The following FRAS1 variants were observed in gnomAD, a reference collection of about 807,000 sequenced individuals.
FRAS1 encodes the protein Fraser extracellular matrix complex subunit 1, also known as extracellular matrix organizing protein FRAS1.
Under a neutral mutation model 435.2 loss-of-function variants are expected in FRAS1, and 290 were observed. The ratio of observed to expected loss-of-function variants is 0.67; its 90% confidence interval spans 0.61 to 0.73. The LOEUF is 0.73. FRAS1 is among the 30% of genes least tolerant of loss of function. The probability of loss-of-function intolerance (pLI) is 0.00; values close to 1 mark genes in which losing one functional copy is unlikely to be tolerated. For missense variants in FRAS1, 4,860 were observed against 5,001.5 expected, an observed-to-expected ratio of 0.97 and a Z score of 0.85; for synonymous variants, 1,800 against 1,851.0, an observed-to-expected ratio of 0.97 and a Z score of 0.71.
Position 78,384,525 on chromosome 4 carries a change from C to A in FRAS1, c.3648+382C>A, listed in dbSNP as rs536079498. 2.6e-5 allele frequency among the ~76,000 whole-genome samples: 4 copies of A among 152,296 alleles called. No homozygotes were observed. In the East Asian group the frequency reaches 7.7e-4, roughly 29 times the overall value. ...GAGTCAATGTTTGTGCCCAGTAAATCTGGCTACAGAGGCGGTGTTCTTAAC... is the reference window on the plus strand; with the variant it reads ...GAGTCAATGTTTGTGCCCAGTAAATATGGCTACAGAGGCGGTGTTCTTAAC... On this transcript the variant is annotated intron_variant, in intron 28 of 73. Coordinates refer to ENST00000512123, the MANE Select transcript of FRAS1 (RefSeq NM_025074.7).
At chr4:78,464,635 G>A in intron 49 of FRAS1, 52 bp downstream of exon 49, 5 of 1,598,776 alleles carry the variant, frequency 3.1e-6, no homozygotes, top group Non-Finnish European at 4.3e-6. Context: ...GGCTGACCTG[G>A]TGGCAGCTAT....
chr4:78,246,747 GA>G (rs11304207), intron 4 of FRAS1, among the ~76,000 whole-genome samples: 82,793 of 150,416 alleles, frequency 0.55, 24,398 homozygotes, highest in Non-Finnish European at 0.68. Context: ...GGATCTGGGG[GA>G]AAAAAAAAAC....
rs1265682926 is a variant in FRAS1 at position 78,091,246 on chromosome 4, C to CT, written c.108+25236dup. 2.0e-5 allele frequency among the ~76,000 whole-genome samples: 3 copies of CT among 152,146 alleles called. 1 individual carries two copies. The highest frequency in any genetic ancestry group is 2.9e-5 in the Non-Finnish European group (2 of 68,004). ...AGCTTTTATATATTTAGGAATCTCT[C>CT]TTTTTTGGTATTTCTTCTGCCACTC... On this transcript the variant is annotated intron_variant, in intron 2 of 73. Transcript: ENST00000512123.
Position 78,475,593 on chromosome 4 carries a change from A to G in FRAS1, c.7838A>G (p.Glu2613Gly), listed in dbSNP as rs1719831401. 6.3e-7 allele frequency: 1 copy of G among 1,589,820 alleles called. No individual in the cohort carries two copies. The highest frequency in any genetic ancestry group is 8.6e-7 in the Non-Finnish European group (1 of 1,164,114). ...SSQPGQQDYVEYAGQVQFDER... is the reference protein window; with the variant it reads ...SSQPGQQDYVGYAGQVQFDER... ...CAACCTGGGCAACAGGACTATGTAGAGTATGCTGGCCAGGTAGGTGGGGTA... is the reference window on the plus strand; with the variant it reads ...CAACCTGGGCAACAGGACTATGTAGGGTATGCTGGCCAGGTAGGTGGGGTA... The change falls in exon 54 of 74, where the codon GAG (glutamate) becomes GGG (glycine). Residue 2613 changes from glutamate (E) to glycine (G), a missense_variant. Glu to Gly is a moderately conservative substitution (Grantham distance 98). Transcript: ENST00000512123.
intron 16 of FRAS1, 102 bp downstream of exon 16, chr4:78,315,836 G>A (rs1284485243): frequency 3.2e-6 from 4 of 1,248,694 alleles, no homozygotes; most frequent in African/African-American, 1.6e-5. Context: ...AGTGTATGAT[G>A]GGAAAGCATA....
rs890351040 is a variant in FRAS1, at chr4:78,430,885, A to G, written c.4969+468A>G. ...ATTTTTGAAGTATTATCTATGTGAT[A>G]TAACAGTGTGGTAATGTGATCGGCT... On this transcript the variant is annotated intron_variant, in intron 37 of 73. Coordinates refer to ENST00000512123, the MANE Select transcript of FRAS1 (RefSeq NM_025074.7). 3.9e-5 allele frequency among the ~76,000 whole-genome samples: 6 copies of G among 152,252 alleles called. No homozygotes were observed. In the East Asian group the frequency reaches 1.2e-3, roughly 29 times the overall value.
chr4:78,387,401 TC>T lies in FRAS1; in HGVS notation c.3676del (p.Leu1226SerfsTer31). On this transcript the variant is annotated frameshift_variant, in exon 29 of 74. Coordinates refer to ENST00000512123, the MANE Select transcript of FRAS1 (RefSeq NM_025074.7). LOFTEE classifies it high-confidence loss of function. ...CCCCCTATGTGCTGAGAAATGAAGT[TC>T]TCCACATTAGCAGAGGAGAGAGGGC... is the stretch of plus-strand genomic sequence containing the variant. Reference protein sequence around the residue: ...QAPYVLRNEVLHISRGERATI... With the variant: ...QAPYVLRNEVXHISRGERATI... 6.2e-7 allele frequency: 1 copy of T among 1,611,752 alleles called. No homozygotes were observed. The highest frequency in any genetic ancestry group is 8.5e-7 in the Non-Finnish European group (1 of 1,178,558).
intron 2 of FRAS1, among the ~76,000 whole-genome samples, chr4:78,149,011 G>A (rs934079786): frequency 4.6e-5 from 7 of 152,094 alleles, no homozygotes; most frequent in African/African-American, 1.7e-4. Flanking sequence ...TCTTTCTTTG[G>A]GGAGAGCTAT....
intron 25 of FRAS1, 62 bp downstream of exon 25, chr4:78,374,313 C>T: frequency 1.4e-6 from 2 of 1,461,588 alleles, no homozygotes; most frequent in Non-Finnish European, 1.9e-6. Flanking sequence ...GTCACATGTG[C>T]TGACTCTCAG....
intron 2 of FRAS1, among the ~76,000 whole-genome samples, chr4:78,088,974 G>A (rs1454474778): frequency 1.3e-5 from 2 of 152,112 alleles, no homozygotes; most frequent in Non-Finnish European, 2.9e-5. Flanking sequence ...AAAGACACAT[G>A]CACACGTATG....
At chr4:78,235,340 C>A (rs1230541603) in intron 2 of FRAS1, among the ~76,000 whole-genome samples, 1 of 152,178 alleles carries the variant, frequency 6.6e-6, no homozygotes, top group African/African-American at 2.4e-5. Context: ...TGAAAATGTC[C>A]ATTGCTAGCA....
chr4:78,221,471 G>A (rs1382208871), intron 2 of FRAS1, among the ~76,000 whole-genome samples: 1 of 152,150 alleles, frequency 6.6e-6, no homozygotes, highest in Non-Finnish European at 1.5e-5. Flanking sequence ...TATTTATGCA[G>A]ATCATCTAAG....
chr4:78,434,304 A>G (rs1245431606), intron 38 of FRAS1, among the ~76,000 whole-genome samples: 1 of 152,204 alleles, frequency 6.6e-6, no homozygotes, highest in Non-Finnish European at 1.5e-5. Flanking sequence ...GGTCTTATAT[A>G]CACAGTTTGC....
At chr4:78,480,539 T>C (rs983379256) in intron 56 of FRAS1, among the ~76,000 whole-genome samples, 5 of 152,252 alleles carry the variant, frequency 3.3e-5, no homozygotes, top group Admixed American at 2.6e-4. Flanking sequence ...GAGAATGTGA[T>C]ATATTGAGGA....
intron 2 of FRAS1, chr4:78,181,903 G>A: frequency 6.2e-7 from 1 of 1,611,018 alleles, no homozygotes. Flanking sequence ...TGGCCCCAGG[G>A]CCCCCAACGC....
intron 70 of FRAS1, among the ~76,000 whole-genome samples, chr4:78,533,722 G>A (rs1721796669): frequency 6.6e-6 from 1 of 152,196 alleles, no homozygotes; most frequent in African/African-American, 2.4e-5. Context: ...TGCAAGGGAA[G>A]AGCATACTGA....
chr4:78,212,245 C>A (rs1026723073), intron 2 of FRAS1, among the ~76,000 whole-genome samples: 2 of 152,180 alleles, frequency 1.3e-5, no homozygotes, highest in African/African-American at 2.4e-5. Flanking sequence ...CAAGTCTCAT[C>A]TAAAATGTTA....
chr4:78,445,693 G>A lies in FRAS1; in HGVS notation c.5837G>A (p.Ser1946Asn), dbSNP rs1006418963. The change falls in exon 42 of 74, where the codon AGC (serine) becomes AAC (asparagine). Residue 1946 changes from serine (S) to asparagine (N), a missense_variant. By Grantham distance (46) the Ser-to-Asn change is conservative. Transcript: ENST00000512123. ...GGAACCAGTCGTTCAGAAATTCACA[G>A]CATCAATATCACCATTGAGGTAAAG... is the stretch of plus-strand genomic sequence containing the variant. Reference protein sequence around the residue: ...SDGTSRSEIHSINITIERKND... With the variant: ...SDGTSRSEIHNINITIERKND... 1.9e-6 allele frequency: 3 copies of A among 1,613,884 alleles called. No individual in the cohort carries two copies. The highest frequency in any genetic ancestry group is 1.3e-5 in the African/African-American group (1 of 75,020).
intron 29 of FRAS1, among the ~76,000 whole-genome samples, chr4:78,399,864 C>A (rs1732813167): frequency 6.6e-6 from 1 of 152,192 alleles, no homozygotes; most frequent in Admixed American, 6.5e-5. Context: ...GCCATTGGAG[C>A]CTGTCTTTCT....
Sources: gnomAD v4.1 joint callset for allele counts (sites outside exome capture counted in the v4.1 genomes callset) on GRCh38, gnomAD v4.1.1 for gene constraint, MANE v1.5 for transcripts, NCBI Gene and HGNC (gene_info 2026-07-23, HGNC 2026-07-21) for gene names.